Variants in NELL1 observed in about 807,000 individuals in gnomAD.
The protein encoded by NELL1 is protein kinase C-binding protein NELL1.
In NELL1, 76 loss-of-function variants were observed where a neutral mutation model predicts 107.4. That is an observed-to-expected ratio of 0.71 (90% confidence interval 0.59 to 0.86). The LOEUF (loss-of-function observed/expected upper bound fraction) is 0.86, where lower values mean the gene tolerates loss of function less well. NELL1 is among the 40% of genes least tolerant of loss of function. The pLI is 0.00. For synonymous variants in NELL1, 353 were observed against 341.2 expected (o/e 1.03, Z -0.38); for missense variants, 1,024 against 1,005.5 (o/e 1.02, Z -0.25).
At position 21,179,204 on chromosome 11, in the gene NELL1, G is replaced by A. The variant is rs1261930371; in HGVS notation, c.1427-50128G>A. Among the ~76,000 whole-genome samples the A allele has an allele frequency of 4.0e-5, 6 of 151,800 alleles. No homozygotes were observed. The East Asian group carries it at 1.2e-3, about 29-fold the overall frequency. On this transcript the variant is annotated intron_variant, in intron 13 of 19. Coordinates refer to ENST00000357134, the MANE Select transcript of NELL1 (RefSeq NM_006157.5). Reference sequence around the variant, plus strand: ...AAAAGTTGGGCTGGAGCTAGATTCTGAAAACATAAAATATTTTGAATAGAA... The same window carrying A: ...AAAAGTTGGGCTGGAGCTAGATTCTAAAAACATAAAATATTTTGAATAGAA...
At chr11:21,448,241 G>C (rs1032443754) in intron 15 of NELL1, among the ~76,000 whole-genome samples, 1 of 152,086 alleles carries the variant, frequency 6.6e-6, no homozygotes, top group South Asian at 2.1e-4. Flanking sequence ...GTGTTCCTGT[G>C]GGGAGGACTA....
Position 21,023,961 on chromosome 11 carries a change from T to G in NELL1, c.1300+63401T>G, listed in dbSNP as rs1432640152. Among the ~76,000 whole-genome samples, 8 of 152,270 alleles carry G rather than the reference T, an allele frequency of 5.3e-5. No individual in the cohort carries two copies. In the East Asian group the frequency reaches 1.4e-3, roughly 26 times the overall value. ...TTGCAGTGTTGCATAGAAACTATTC[T>G]ACCAAAACAGATGCAAATGTTTCTT... On this transcript the variant is annotated intron_variant, in intron 12 of 19. Coordinates refer to ENST00000357134, the MANE Select transcript of NELL1 (RefSeq NM_006157.5).
At chr11:20,915,650 A>G (rs1850227940) in intron 5 of NELL1, among the ~76,000 whole-genome samples, 1 of 137,736 alleles carries the variant, frequency 7.3e-6, no homozygotes, top group South Asian at 2.4e-4. Context: ...CCTTTGGGAG[A>G]AGTTGTAGTG....
intron 14 of NELL1, among the ~76,000 whole-genome samples, chr11:21,330,145 GTATAAA>G (rs1850238838): frequency 6.6e-6 from 1 of 151,856 alleles, no homozygotes; most frequent in Non-Finnish European, 1.5e-5. Context: ...TGTGTGGCAA[GTATAAA>G]TATTTACATA....
chr11:20,900,200 G>A (rs1160884418), intron 5 of NELL1, among the ~76,000 whole-genome samples: 1 of 152,082 alleles, frequency 6.6e-6, no homozygotes. Context: ...GTGGCCTCTC[G>A]ATTTCCAGAA....
At chr11:21,449,172 C>T (rs568056629) in intron 15 of NELL1, among the ~76,000 whole-genome samples, 3 of 152,262 alleles carry the variant, frequency 2.0e-5, no homozygotes, top group East Asian at 1.9e-4. Context: ...TGCATTCCCA[C>T]CAGCAGTGTA....
intron 2 of NELL1, among the ~76,000 whole-genome samples, chr11:20,707,069 C>G (rs1215856208): frequency 2.0e-5 from 3 of 152,116 alleles, no homozygotes; most frequent in Non-Finnish European, 4.4e-5. Flanking sequence ...TCATTTTACT[C>G]TTTTTTCTCT....
At chr11:20,834,995 A>C (rs1848506565) in intron 3 of NELL1, among the ~76,000 whole-genome samples, 1 of 152,154 alleles carries the variant, frequency 6.6e-6, no homozygotes. Flanking sequence ...GTTGCTTCAC[A>C]ACTCCTCTGA....
rs368508096 is a variant in NELL1, at chr11:20,674,696, T to C, written c.56-3236T>C. ...ACTGAAACTGGATCTCAGTTTAGTG[T>C]TGTTTCCACAATACTTTCTGGATTG... is the stretch of plus-strand genomic sequence containing the variant. On this transcript the variant is annotated intron_variant, in intron 1 of 19. Transcript: ENST00000357134. 305 of 655,256 alleles carry C rather than the reference T, an allele frequency of 4.7e-4. 4 individuals carry two copies. The South Asian group carries it at 5.3e-3, about 11-fold the overall frequency. 40.6% of individuals were successfully genotyped at this position (655,256 alleles called of 1,614,324 possible). A position where few individuals can be genotyped will look rare whatever the true frequency, so the allele number is the denominator to read the frequency against.
At chr11:21,257,226 A>T (rs1332652330) in intron 14 of NELL1, among the ~76,000 whole-genome samples, 1 of 151,990 alleles carries the variant, frequency 6.6e-6, no homozygotes, top group African/African-American at 2.4e-5. Context: ...GATACAATTT[A>T]TGTGCAGTTT....
intron 5 of NELL1, among the ~76,000 whole-genome samples, chr11:20,908,323 C>G (rs972931812): frequency 1.3e-5 from 2 of 152,054 alleles, no homozygotes; most frequent in African/African-American, 4.8e-5. Flanking sequence ...CAATGATAGA[C>G]TATTTGATAA....
intron 12 of NELL1, among the ~76,000 whole-genome samples, chr11:21,051,169 G>A (rs1011750216): frequency 3.3e-5 from 5 of 152,102 alleles, no homozygotes; most frequent in African/African-American, 1.2e-4. Flanking sequence ...TAAAGAAAAT[G>A]TGGCATACAT....
intron 15 of NELL1, among the ~76,000 whole-genome samples, chr11:21,445,755 G>C (rs1400152594): frequency 1.3e-5 from 2 of 152,162 alleles, no homozygotes; most frequent in African/African-American, 2.4e-5. Flanking sequence ...GGTGTTTTCA[G>C]CTTTTGCTGT....
chr11:21,219,866 C>T (rs1323515608), intron 13 of NELL1, among the ~76,000 whole-genome samples: 1 of 152,168 alleles, frequency 6.6e-6, no homozygotes, highest in Non-Finnish European at 1.5e-5. Flanking sequence ...TTCATTGACT[C>T]TCAGTTCTGC....
chr11:21,466,049 C>A (rs1854021968), intron 15 of NELL1, among the ~76,000 whole-genome samples: 1 of 152,080 alleles, frequency 6.6e-6, no homozygotes, highest in Non-Finnish European at 1.5e-5. Flanking sequence ...ATAGCCTTCT[C>A]ATTTTATACA....
intron 12 of NELL1, among the ~76,000 whole-genome samples, chr11:20,999,683 T>TC (rs1852172112): frequency 6.6e-6 from 1 of 151,324 alleles, no homozygotes; most frequent in African/African-American, 2.4e-5. Context: ...GACCTTGTTT[T>TC]CTAAAAAGTT....
intron 15 of NELL1, among the ~76,000 whole-genome samples, chr11:21,448,034 G>A (rs1032209798): frequency 2.6e-5 from 4 of 152,262 alleles, no homozygotes; most frequent in East Asian, 3.9e-4. Context: ...TCTCCCAAAC[G>A]CACAGATTCT....
chr11:21,341,605 T>G (rs2133703825), intron 14 of NELL1, among the ~76,000 whole-genome samples: 1 of 152,296 alleles, frequency 6.6e-6, no homozygotes, highest in Non-Finnish European at 1.5e-5. Flanking sequence ...TTTCTCCAGC[T>G]AAGAGCGCAT....
Position 21,339,399 on chromosome 11 carries a change from CT to C in NELL1, c.1550-31453del, listed in dbSNP as rs1268856947. Among the ~76,000 whole-genome samples the C allele has an allele frequency of 3.9e-5, 6 of 152,172 alleles. No individual in the cohort carries two copies. The South Asian group carries it at 1.2e-3, about 32-fold the overall frequency. ...TAGAGCCTTCAAAGGGAACAGAGCA[CT>C]GACAACAGCTTGATTTCAGACTTCA... On this transcript the variant is annotated intron_variant, in intron 14 of 19. Coordinates refer to ENST00000357134, the MANE Select transcript of NELL1 (RefSeq NM_006157.5).
Sources: allele counts gnomAD v4.1 joint callset (sites outside exome capture counted in the v4.1 genomes callset), GRCh38; gene constraint gnomAD v4.1.1; transcripts MANE v1.5; gene names NCBI Gene and HGNC (gene_info 2026-07-23, HGNC 2026-07-21).